The following OR8B8 variants were observed in gnomAD, a reference collection of about 807,000 sequenced individuals.
OR8B8 encodes the protein olfactory receptor 8B8.
OR8B8 carries 8 observed loss-of-function variants against 10.5 expected under a neutral mutation model. The observed-to-expected ratio is 0.76, with a 90% CI of 0.45 to 1.38. The LOEUF is 1.38. Among genes scored for constraint, OR8B8 ranks in the 40% most tolerant of loss-of-function variants. OR8B8 has a pLI of 0.00. For missense variants in OR8B8, 390 were observed against 380.5 expected (o/e 1.03, Z -0.21); for synonymous variants, 150 against 145.2 (o/e 1.03, Z -0.24).
intron 1 of OR8B8, among the ~76,000 whole-genome samples, chr11:124,445,209 A>G (rs1861516026): frequency 6.6e-6 from 1 of 152,158 alleles, no homozygotes. Context: ...CTCTGTCAAA[A>G]CTAAGTTTTC....
At position 124,440,018 on chromosome 11, in the gene OR8B8, G is replaced by A. The variant is rs1861446991; in HGVS notation, c.*132C>T. On this transcript the variant is annotated 3_prime_UTR_variant, in exon 3 of 3. Coordinates refer to ENST00000642064, the MANE Select transcript of OR8B8 (RefSeq NM_012378.2). Reference sequence around the variant, plus strand: ...GTATTCAAAGCTCTTAAGAATGTTTGTAAATTAAAGAACCCTTAAAATGGG... The same window carrying A: ...GTATTCAAAGCTCTTAAGAATGTTTATAAATTAAAGAACCCTTAAAATGGG... The A allele has an allele frequency of 2.9e-6, 2 of 684,116 alleles. No individual in the cohort carries two copies. The highest frequency in any genetic ancestry group is 3.5e-4 in the Middle Eastern group (1 of 2,894). 42.4% of individuals were successfully genotyped at this position (684,116 alleles called of 1,614,324 possible). A position where few individuals can be genotyped will look rare whatever the true frequency, so the allele number is the denominator to read the frequency against.
chr11:124,437,967 C>A lies in OR8B8; in HGVS notation c.*2183G>T, dbSNP rs1031515019. On this transcript the variant is annotated 3_prime_UTR_variant, in exon 3 of 3. Transcript: ENST00000642064. ...TCATTTTCATATAAGCAAGCATAGA[C>A]CCAGAAAAATGAAGCAATTGTCCCA... 6.6e-6 allele frequency: 1 copy of A among 151,716 alleles called. No individual in the cohort carries two copies. Among genetic ancestry groups the A allele is most frequent in the Admixed American group, 6.6e-5 (1 of 15,232 alleles). The allele number at this position is 151,716 out of a possible 1,614,324, so 9.4% of individuals were successfully genotyped here.
chr11:124,443,325 G>A (rs987017098), intron 1 of OR8B8, among the ~76,000 whole-genome samples: 6 of 152,130 alleles, frequency 3.9e-5, no homozygotes, highest in Admixed American at 1.3e-4. Context: ...AGACTTGAAC[G>A]TCATGACAGG....
rs1417820873 is a variant in OR8B8, at chr11:124,437,667, TGCGCGCGCGCGTGC to T, written c.*2469_*2482del. The T allele has an allele frequency of 2.1e-4, 23 of 110,568 alleles. No individual in the cohort carries two copies. The highest frequency in any genetic ancestry group is 9.3e-4 in the African/African-American group (20 of 21,512). The allele number at this position is 110,568 out of a possible 1,614,324, so 6.8% of individuals were successfully genotyped here. A position where few individuals can be genotyped will look rare whatever the true frequency, so the allele number is the denominator to read the frequency against. ...GTGTGTGTGTGTGTGTGTGTGTGTG[TGCGCGCGCGCGTGC>T]GTGCGTGCTGGGATTACAGGCGTGA... On this transcript the variant is annotated 3_prime_UTR_variant, in exon 3 of 3. Coordinates refer to ENST00000642064, the MANE Select transcript of OR8B8 (RefSeq NM_012378.2).
Position 124,441,028 on chromosome 11 carries a change from G to A in OR8B8, c.58C>T (p.Gln20Ter), listed in dbSNP as rs760297506. The A allele has an allele frequency of 7.4e-6, 12 of 1,613,572 alleles. No individual in the cohort carries two copies. Among genetic ancestry groups the A allele is most frequent in the Non-Finnish European group, 1.0e-5 (12 of 1,180,012 alleles). The stretch of plus-strand genomic sequence containing the variant: ...AAGAGGGGGATCTGGACTCCCGGTT[G>A]GTCAGTTAAGCCTGCGAGGATAAAC... ...TQFILAGLTD[Q>*]PGVQIPLFFL... is the part of the protein sequence containing the mutation. Residue 20 changes from glutamine (Q) to a stop codon, truncating the protein, a stop_gained, in exon 3 of 3, where the codon CAA (glutamine) becomes TAA (stop). Coordinates refer to ENST00000642064, the MANE Select transcript of OR8B8 (RefSeq NM_012378.2). LOFTEE classifies it high-confidence loss of function.
Position 124,440,267 on chromosome 11 carries a change from C to A in OR8B8, c.819G>T (p.Val273=), listed in dbSNP as rs113216016. The A allele has an allele frequency of 7.4e-6, 12 of 1,614,046 alleles. No individual in the cohort carries two copies. Among genetic ancestry groups the A allele is most frequent in the Non-Finnish European group, 1.0e-5 (12 of 1,180,026 alleles). Residue 273 remains valine (V), a synonymous_variant, in exon 3 of 3, where the codon GTG becomes GTT. Transcript: ENST00000642064. Reference sequence around the variant, plus strand: ...CCACAGTGGTATAGAATAGGGAAGACACCTTGCCCTGGTTCATAGCTAAAA... The same window carrying A: ...CCACAGTGGTATAGAATAGGGAAGAAACCTTGCCCTGGTTCATAGCTAAAA... The part of the protein sequence containing the change: ...FSLLAMNQGK[V]SSLFYTTVVP...
intron 2 of OR8B8, 36 bp downstream of exon 2, chr11:124,441,452 C>T: frequency 4.5e-6 from 1 of 220,636 alleles, no homozygotes; most frequent in Non-Finnish European, 9.1e-6. Flanking sequence ...CTGGACAGAG[C>T]AGAAGGGTAG....
chr11:124,441,290 G>A (rs1041833675), intron 2 of OR8B8, 189 bp from the exon 3 acceptor site: 1 of 566,522 alleles, frequency 1.8e-6, no homozygotes. Flanking sequence ...CTGCTGGCAA[G>A]GCCTCCCATC....
At chr11:124,443,331 AC>A in intron 1 of OR8B8, among the ~76,000 whole-genome samples, 1 of 152,316 alleles carries the variant, frequency 6.6e-6, no homozygotes, top group East Asian at 1.9e-4. Context: ...GAACGTCATG[AC>A]AGGAATTACG....
At chr11:124,443,077 T>TCACCCTATTGATCTGGATGTTTAGGCA (rs1861492909) in intron 1 of OR8B8, among the ~76,000 whole-genome samples, 5 of 152,132 alleles carry the variant, frequency 3.3e-5, no homozygotes, top group Admixed American at 6.5e-5. Context: ...TAGGCAGGTT[T>TCACCCTATTGATCTGGATGTTTAGGCA]GGGATTCAAT....
chr11:124,442,389 G>A (rs1398428181), intron 1 of OR8B8, among the ~76,000 whole-genome samples: 1 of 152,184 alleles, frequency 6.6e-6, no homozygotes, highest in Non-Finnish European at 1.5e-5. Context: ...AAAAGCATGT[G>A]ATAAGATCCA....
At position 124,438,920 on chromosome 11, in the gene OR8B8, G is replaced by C. The variant is rs1299664580; in HGVS notation, c.*1230C>G. ...CTCCTCCTACCCTCTGATTTCCTCT[G>C]CTGATGTTGCCATTGGTCTAACCCA... On this transcript the variant is annotated 3_prime_UTR_variant, in exon 3 of 3. Coordinates refer to ENST00000642064, the MANE Select transcript of OR8B8 (RefSeq NM_012378.2). The C allele has an allele frequency of 6.6e-6, 1 of 152,240 alleles. No homozygotes were observed. Among genetic ancestry groups the C allele is most frequent in the African/African-American group, 2.4e-5 (1 of 41,468 alleles). The allele number at this position is 152,240 out of a possible 1,614,324, so 9.4% of individuals were successfully genotyped here.
chr11:124,441,059 C>T lies in OR8B8; in HGVS notation c.27G>A (p.Val9=). Residue 9 remains valine, a synonymous_variant, in exon 3 of 3, where the codon GTG becomes GTA. Transcript: ENST00000642064. MAAENSSF[V]TQFILAGLTD... is the part of the protein sequence containing the mutation. ...TTAAGCCTGCGAGGATAAACTGTGTCACGAAGGAGGAATTCTCAGCAGCCA... is the reference window on the plus strand; with the variant it reads ...TTAAGCCTGCGAGGATAAACTGTGTTACGAAGGAGGAATTCTCAGCAGCCA... 1 of 1,611,838 alleles carries T rather than the reference C, an allele frequency of 6.2e-7. No homozygotes were observed. The highest frequency in any genetic ancestry group is 1.1e-5 in the South Asian group (1 of 91,032).
At position 124,437,651 on chromosome 11, in the gene OR8B8, T is replaced by TGTGTGTGTGTGTGTGC. The variant is rs1565361101; in HGVS notation, c.*2498_*2499insGCACACACACACACAC. 1 of 146,176 alleles carries TGTGTGTGTGTGTGTGC rather than the reference T, an allele frequency of 6.8e-6. No homozygotes were observed. The highest frequency in any genetic ancestry group is 1.4e-5 in the Non-Finnish European group (1 of 69,852). 9.1% of individuals were successfully genotyped at this position (146,176 alleles called of 1,614,324 possible). On this transcript the variant is annotated 3_prime_UTR_variant, in exon 3 of 3. Transcript: ENST00000642064. ...TTGTGTGTGTGTGTGTGTGTGTGTG[T>TGTGTGTGTGTGTGTGC]GTGTGTGTGTGTGTGTGCGCGCGCG...
At chr11:124,445,474 C>T (rs996486437) in intron 1 of OR8B8, 102 bp downstream of exon 1, 1 of 152,230 alleles carries the variant, frequency 6.6e-6, no homozygotes, top group African/African-American at 2.4e-5. Flanking sequence ...ATGCAGCAAG[C>T]TAATTACCAC....
intron 2 of OR8B8, 107 bp from the exon 3 acceptor site, chr11:124,441,208 T>C: frequency 1.3e-6 from 1 of 759,676 alleles, no homozygotes; most frequent in Non-Finnish European, 2.1e-6. Context: ...AGAGAGATTT[T>C]GAACTTCAGC....
At position 124,437,626 on chromosome 11, in the gene OR8B8, TTGTGTGTGTGTGTGTGTG is replaced by T. The variant is rs66912990; in HGVS notation, c.*2506_*2523del. 2.1e-4 allele frequency: 30 copies of T among 144,002 alleles called. No individual in the cohort carries two copies. The highest frequency in any genetic ancestry group is 6.2e-4 in the East Asian group (3 of 4,850). The allele number at this position is 144,002 out of a possible 1,614,324, so 8.9% of individuals were successfully genotyped here. On this transcript the variant is annotated 3_prime_UTR_variant, in exon 3 of 3. Coordinates refer to ENST00000642064, the MANE Select transcript of OR8B8 (RefSeq NM_012378.2). ...AGGTGGGGGAGGTCTCTCTCAGACT[TTGTGTGTGTGTGTGTGTG>T]TGTGTGTGTGTGTGTGTGTGTGTGC...
chr11:124,440,060 G>T lies in OR8B8; in HGVS notation c.*90C>A. The T allele has an allele frequency of 2.8e-6, 3 of 1,062,786 alleles. No individual in the cohort carries two copies. Among genetic ancestry groups the T allele is most frequent in the Non-Finnish European group, 4.1e-6 (3 of 734,534 alleles). 65.8% of individuals were successfully genotyped at this position (1,062,786 alleles called of 1,614,324 possible). Reference sequence around the variant, plus strand: ...TAAAATGGGGATGATGAACCTGTTTGAGGAAAAATTATATTTCTTCCATGT... The same window carrying T: ...TAAAATGGGGATGATGAACCTGTTTTAGGAAAAATTATATTTCTTCCATGT... On this transcript the variant is annotated 3_prime_UTR_variant, in exon 3 of 3. Transcript: ENST00000642064.
chr11:124,440,607 G>C lies in OR8B8; in HGVS notation c.479C>G (p.Thr160Arg). Residue 160 changes from threonine to arginine, a missense_variant, in exon 3 of 3, where the codon ACA becomes AGA. Physicochemically the swap from Thr to Arg is moderately conservative, Grantham distance 71. Coordinates refer to ENST00000642064, the MANE Select transcript of OR8B8 (RefSeq NM_012378.2). ...GAAGGTCACACCCATCATGCACGCTGTGTGGGCCATGGCCCCAGCAAACCC... is the reference window on the plus strand; with the variant it reads ...GAAGGTCACACCCATCATGCACGCTCTGTGGGCCATGGCCCCAGCAAACCC... ...GMGFAGAMAH[T>R]ACMMGVTFCA... 1.2e-6 allele frequency: 2 copies of C among 1,614,180 alleles called. No homozygotes were observed. Among genetic ancestry groups the C allele is most frequent in the Non-Finnish European group, 1.7e-6 (2 of 1,180,040 alleles).
Sources: gnomAD v4.1 joint callset for allele counts (sites outside exome capture counted in the v4.1 genomes callset) on GRCh38, gnomAD v4.1.1 for gene constraint, MANE v1.5 for transcripts, NCBI Gene and HGNC (gene_info 2026-07-23, HGNC 2026-07-21) for gene names.